The following IQCF2 variants were observed in gnomAD, a reference collection of about 807,000 sequenced individuals.
IQCF2 encodes the protein IQ domain-containing protein F2.
Under a neutral mutation model 7.0 loss-of-function variants are expected in IQCF2, and 6 were observed. That is an observed-to-expected ratio of 0.86 (90% confidence interval 0.47 to 1.70). IQCF2 has a LOEUF of 1.70. Among genes scored for constraint, IQCF2 ranks in the 40% most tolerant of loss-of-function variants. IQCF2 has a pLI of 0.01. For synonymous variants in IQCF2, 67 were observed against 74.0 expected (o/e 0.91, Z 0.48); for missense variants, 174 against 204.6 (o/e 0.85, Z 0.91).
Position 51,863,217 on chromosome 3 carries a change from T to C in IQCF2, c.342T>C (p.Arg114=). ...TCCAGTCTTTGGTCCGTATGTGGCG[T>C]GTCCGCTGGCGATACTGCCAGGTGC... is the stretch of plus-strand genomic sequence containing the variant. ...IKLQSLVRMW[R]VRWRYCQVLN... The change falls in exon 3 of 3, where the codon CGT becomes CGC. Residue 114 remains arginine, a synonymous_variant. Coordinates refer to ENST00000333127, the MANE Select transcript of IQCF2 (RefSeq NM_203424.2). 6.2e-7 allele frequency: 1 copy of C among 1,614,186 alleles called. No homozygotes were observed. The highest frequency in any genetic ancestry group is 8.5e-7 in the Non-Finnish European group (1 of 1,180,030).
At chr3:51,862,319 G>GC (rs1698647182) in intron 2 of IQCF2, among the ~76,000 whole-genome samples, 1 of 149,832 alleles carries the variant, frequency 6.7e-6, no homozygotes, top group Non-Finnish European at 1.5e-5. Context: ...CAGGAGAATG[G>GC]GTGAACCCGA....
intron 1 of IQCF2, 45 bp from the exon 2 acceptor site, chr3:51,861,813 C>A: frequency 6.4e-7 from 1 of 1,567,952 alleles, no homozygotes; most frequent in Non-Finnish European, 8.8e-7. Flanking sequence ...TAGAGAGAAA[C>A]AGTCTTAACT....
chr3:51,861,651 C>A lies in IQCF2; in HGVS notation c.-16C>A, dbSNP rs764692532. The A allele has an allele frequency of 1.2e-6, 2 of 1,614,028 alleles. No individual in the cohort carries two copies. Among genetic ancestry groups the A allele is most frequent in the Non-Finnish European group, 1.7e-6 (2 of 1,179,992 alleles). ...AGCAGAGAAATCAGGGCTAATGAAC[C>A]ATCTAAGGACAGGCCATGAGGGTTC... On this transcript the variant is annotated 5_prime_UTR_variant, in exon 1 of 3. Transcript: ENST00000333127.
Position 51,863,328 on chromosome 3 carries a change from A to C in IQCF2, c.453A>C (p.Thr151=). 6.2e-7 allele frequency: 1 copy of C among 1,614,144 alleles called. No homozygotes were observed. Among genetic ancestry groups the C allele is most frequent in the African/African-American group, 1.3e-5 (1 of 75,050 alleles). Residue 151 remains threonine, a synonymous_variant, in exon 3 of 3, where the codon ACA becomes ACC. Coordinates refer to ENST00000333127, the MANE Select transcript of IQCF2 (RefSeq NM_203424.2). ...TCCTCCAGGGCCACTGTGTGGTCAC[A>C]GCCACTCACCTGCAGTTCCACATTG... is the stretch of plus-strand genomic sequence containing the variant. ...CALLQGHCVV[T]ATHLQFHIEI...
chr3:51,863,020 A>G lies in IQCF2; in HGVS notation c.145A>G (p.Lys49Glu). 6.2e-7 allele frequency: 1 copy of G among 1,612,544 alleles called. No homozygotes were observed. Among genetic ancestry groups the G allele is most frequent in the East Asian group, 2.2e-5 (1 of 44,828 alleles). Residue 49 changes from lysine (K) to glutamate (E), a missense_variant, in exon 3 of 3, where the codon AAG (lysine) becomes GAG (glutamate). By Grantham distance (56) the Lys-to-Glu change is moderately conservative. Transcript: ENST00000333127. ...KLRIRTKAAVKIQAWWRGTLV... is the reference protein window; with the variant it reads ...KLRIRTKAAVEIQAWWRGTLV... Reference sequence around the variant, plus strand: ...TAGAATAAGAACAAAAGCAGCTGTAAAGATCCAGGCCTGGTGGCGGGGCAC... The same window carrying G: ...TAGAATAAGAACAAAAGCAGCTGTAGAGATCCAGGCCTGGTGGCGGGGCAC...
chr3:51,862,402 CAAAAA>C (rs3058059), intron 2 of IQCF2, among the ~76,000 whole-genome samples: 3 of 93,168 alleles, frequency 3.2e-5, no homozygotes, highest in African/African-American at 4.4e-5. Flanking sequence ...GACTCCTTCT[CAAAAA>C]AAAAAAAAAA....
chr3:51,862,890 G>A (rs1698652801), intron 2 of IQCF2, 97 bp from the exon 3 acceptor site: 9 of 1,405,346 alleles, frequency 6.4e-6, no homozygotes, highest in Non-Finnish European at 8.6e-6. Flanking sequence ...CTGAGGAAGG[G>A]CTGTGTTTTG....
rs1220576187 is a variant in IQCF2 at position 51,863,390 on chromosome 3, T to C, written c.*20T>C. On this transcript the variant is annotated 3_prime_UTR_variant, in exon 3 of 3. Transcript: ENST00000333127. ...TCCTAAGGGCTGGCAAGAAGGGCACTGTGTCTACTGTCCCTATTAAAGGTC... is the reference window on the plus strand; with the variant it reads ...TCCTAAGGGCTGGCAAGAAGGGCACCGTGTCTACTGTCCCTATTAAAGGTC... 18 of 1,607,184 alleles carry C rather than the reference T, an allele frequency of 1.1e-5. No individual in the cohort carries two copies. Among genetic ancestry groups the C allele is most frequent in the Non-Finnish European group, 1.4e-5 (17 of 1,176,440 alleles).
chr3:51,863,109 G>C lies in IQCF2; in HGVS notation c.234G>C (p.Arg78=), dbSNP rs1698655404. The C allele has an allele frequency of 1.2e-5, 20 of 1,614,164 alleles. No individual in the cohort carries two copies. The highest frequency in any genetic ancestry group is 1.6e-5 in the Non-Finnish European group (19 of 1,180,058). The change falls in exon 3 of 3, where the codon CGG becomes CGC. Residue 78 remains arginine, a synonymous_variant. Coordinates refer to ENST00000333127, the MANE Select transcript of IQCF2 (RefSeq NM_203424.2). ...LRAWIIQCWW[R]MTLSRVLEKK... is the part of the protein sequence containing the mutation. ...CCTGGATAATTCAGTGCTGGTGGCG[G>C]ATGACGCTGTCGAGGGTGCTGGAGA...
At chr3:51,861,837 C>A in intron 1 of IQCF2, 21 bp from the exon 2 acceptor site, 1 of 1,596,660 alleles carries the variant, frequency 6.3e-7, no homozygotes, top group East Asian at 2.2e-5. Flanking sequence ...TTATGTACTT[C>A]CCATTTAATT....
chr3:51,862,230 T>C (rs1698646291), intron 2 of IQCF2, among the ~76,000 whole-genome samples: 1 of 151,690 alleles, frequency 6.6e-6, no homozygotes, highest in Admixed American at 6.6e-5. Flanking sequence ...AAACCCCATC[T>C]CTACTAAAAA....
At chr3:51,862,030 C>A in intron 2 of IQCF2, 80 bp downstream of exon 2, 1 of 995,430 alleles carries the variant, frequency 1.0e-6, no homozygotes, top group Non-Finnish European at 1.5e-6. Flanking sequence ...TGCCTCTTAT[C>A]AATCCAGGGT....
chr3:51,863,403 C>G lies in IQCF2; in HGVS notation c.*33C>G. ...CAAGAAGGGCACTGTGTCTACTGTC[C>G]CTATTAAAGGTCTAACCTGGTCTGG... is the stretch of plus-strand genomic sequence containing the variant. On this transcript the variant is annotated 3_prime_UTR_variant, in exon 3 of 3. Coordinates refer to ENST00000333127, the MANE Select transcript of IQCF2 (RefSeq NM_203424.2). The G allele has an allele frequency of 6.3e-7, 1 of 1,597,156 alleles. No individual in the cohort carries two copies. Among genetic ancestry groups the G allele is most frequent in the Non-Finnish European group, 8.5e-7 (1 of 1,170,178 alleles).
chr3:51,862,033 T>G (rs924303714), intron 2 of IQCF2, 83 bp downstream of exon 2: 8 of 970,878 alleles, frequency 8.2e-6, no homozygotes, highest in Non-Finnish European at 1.3e-5. Flanking sequence ...CTCTTATCAA[T>G]CCAGGGTCTA....
At chr3:51,862,519 G>A (rs1217029904) in intron 2 of IQCF2, among the ~76,000 whole-genome samples, 4 of 152,058 alleles carry the variant, frequency 2.6e-5, no homozygotes, top group Admixed American at 6.6e-5. Flanking sequence ...AAGACTTGGA[G>A]TAGAATATGT....
rs772422089 is a variant in IQCF2 at position 51,861,631 on chromosome 3, A to C, written c.-36A>C. 1 of 1,613,836 alleles carries C rather than the reference A, an allele frequency of 6.2e-7. No individual in the cohort carries two copies. The highest frequency in any genetic ancestry group is 8.5e-7 in the Non-Finnish European group (1 of 1,179,686). On this transcript the variant is annotated 5_prime_UTR_variant, in exon 1 of 3. Transcript: ENST00000333127. ...ACTCATGCCAGACCTTGGGAAGCAG[A>C]GAAATCAGGGCTAATGAACCATCTA...
intron 1 of IQCF2, 27 bp downstream of exon 1, chr3:51,861,711 G>A (rs779229216): frequency 1.9e-6 from 3 of 1,613,926 alleles, no homozygotes; most frequent in Admixed American, 1.7e-5. Flanking sequence ...GATCTATTAG[G>A]TGGACCAGGA....
chr3:51,862,663 G>A (rs2107211694), intron 2 of IQCF2, among the ~76,000 whole-genome samples: 1 of 152,334 alleles, frequency 6.6e-6, no homozygotes, highest in South Asian at 2.1e-4. Context: ...CAAACCCAGT[G>A]AGCACCAAAG....
At position 51,863,111 on chromosome 3, in the gene IQCF2, T is replaced by C. The variant is rs1451871006; in HGVS notation, c.236T>C (p.Met79Thr). The part of the protein sequence containing the change: ...RAWIIQCWWR[M>T]TLSRVLEKKR... The stretch of plus-strand genomic sequence containing the variant: ...TGGATAATTCAGTGCTGGTGGCGGA[T>C]GACGCTGTCGAGGGTGCTGGAGAAG... Residue 79 changes from methionine to threonine, a missense_variant, in exon 3 of 3, where the codon ATG becomes ACG. Met to Thr is a moderately conservative substitution (Grantham distance 81). Transcript: ENST00000333127. The C allele has an allele frequency of 6.2e-7, 1 of 1,614,130 alleles. No homozygotes were observed. The highest frequency in any genetic ancestry group is 1.3e-5 in the African/African-American group (1 of 74,938).
Sources: gnomAD v4.1 joint callset for allele counts (sites outside exome capture counted in the v4.1 genomes callset) on GRCh38, gnomAD v4.1.1 for gene constraint, MANE v1.5 for transcripts, NCBI Gene and HGNC (gene_info 2026-07-23, HGNC 2026-07-21) for gene names.